Variants in PCNX2 observed in about 807,000 individuals in gnomAD.
The protein encoded by PCNX2 is pecanex 2.
In PCNX2, 168 loss-of-function variants were observed where a neutral mutation model predicts 223.8. The ratio of observed to expected loss-of-function variants is 0.75; its 90% CI spans 0.66 to 0.85. PCNX2 has a LOEUF of 0.85. PCNX2 is among the 40% of genes least tolerant of loss of function. The probability of loss-of-function intolerance (pLI) is 0.00; values close to 1 mark genes in which losing one functional copy is unlikely to be tolerated. For missense variants in PCNX2, 2,507 were observed against 2,675.5 expected (o/e 0.94, Z 1.39); for synonymous variants, 1,006 against 1,052.6 (o/e 0.96, Z 0.86).
intron 21 of PCNX2, among the ~76,000 whole-genome samples, chr1:233,097,400 T>G (rs1674237685): frequency 6.6e-6 from 1 of 151,968 alleles, no homozygotes; most frequent in African/African-American, 2.4e-5. Flanking sequence ...TGATCAGGCT[T>G]GGGGAGCTAT....
At chr1:233,134,549 C>G (rs115457852) in intron 21 of PCNX2, among the ~76,000 whole-genome samples, 3,003 of 150,274 alleles carry the variant, frequency 0.02, 37 homozygotes, top group East Asian at 0.051. Flanking sequence ...GAAAAGAAAA[C>G]AGAAGAAAAA....
intron 28 of PCNX2, among the ~76,000 whole-genome samples, chr1:233,002,186 C>T (rs912332145): frequency 6.6e-6 from 1 of 151,924 alleles, no homozygotes; most frequent in Non-Finnish European, 1.5e-5. Flanking sequence ...AATTAAATGT[C>T]AAATGGGTCA....
chr1:233,206,475 G>A (rs180675946), intron 13 of PCNX2, among the ~76,000 whole-genome samples: 67 of 151,954 alleles, frequency 4.4e-4, no homozygotes, highest in Non-Finnish European at 3.1e-4. Context: ...GAATATGGGC[G>A]CACTAAGTTA....
rs1461191538 is a variant in PCNX2, at chr1:233,112,753, G to C, written c.3838-16890C>G. The C allele has an allele frequency of 3.9e-6, 4 of 1,031,680 alleles. No homozygotes were observed. In the South Asian group the frequency reaches 6.7e-5, roughly 17 times the overall value. The allele number at this position is 1,031,680 out of a possible 1,614,324, so 63.9% of individuals were successfully genotyped here. On this transcript the variant is annotated intron_variant, in intron 21 of 33. Transcript: ENST00000258229. ...TCACATATTTATTATAGTATACTTTGGCATGAGAATTAAGCAAAAATGAAG... is the reference window on the plus strand; with the variant it reads ...TCACATATTTATTATAGTATACTTTCGCATGAGAATTAAGCAAAAATGAAG...
intron 19 of PCNX2, among the ~76,000 whole-genome samples, chr1:233,158,791 C>T (rs1347501676): frequency 6.6e-6 from 1 of 152,174 alleles, no homozygotes; most frequent in Non-Finnish European, 1.5e-5. Flanking sequence ...CCACTAATTT[C>T]ACCAACACTT....
Position 233,227,327 on chromosome 1 carries a change from T to G in PCNX2, c.2403A>C (p.Gln801His). 6.2e-7 allele frequency: 1 copy of G among 1,613,740 alleles called. No homozygotes were observed. The highest frequency in any genetic ancestry group is 8.5e-7 in the Non-Finnish European group (1 of 1,179,740). The change falls in exon 10 of 34, where the codon CAA (glutamine) becomes CAC (histidine). Residue 801 changes from glutamine (Q) to histidine (H), a missense_variant. Physicochemically the swap from Gln to His is conservative, Grantham distance 24. Transcript: ENST00000258229. ...DLEASSCSST[Q>H]GKFNREQFYK... ...AAAACTGCTCTCGGTTAAATTTTCC[T>G]TGTGTTGAAGAACATGACGAGGCTT...
chr1:233,279,507 A>C (rs1661081341), intron 1 of PCNX2, among the ~76,000 whole-genome samples: 1 of 150,682 alleles, frequency 6.6e-6, no homozygotes, highest in Non-Finnish European at 1.5e-5. Context: ...CTGGATTTGA[A>C]CTCCTAGGCT....
chr1:233,099,749 G>A (rs1674377337), intron 21 of PCNX2, among the ~76,000 whole-genome samples: 1 of 152,114 alleles, frequency 6.6e-6, no homozygotes, highest in Non-Finnish European at 1.5e-5. Context: ...AATGAGAAAA[G>A]TATATGAAGA....
At chr1:233,276,294 A>C (rs1454816814) in intron 1 of PCNX2, among the ~76,000 whole-genome samples, 7 of 152,276 alleles carry the variant, frequency 4.6e-5, no homozygotes, top group South Asian at 4.1e-4. Flanking sequence ...CAAAAAGTAG[A>C]ATGGTGGTTG....
chr1:233,274,846 T>C (rs1334030570), intron 1 of PCNX2, among the ~76,000 whole-genome samples: 1 of 152,152 alleles, frequency 6.6e-6, no homozygotes, highest in African/African-American at 2.4e-5. Flanking sequence ...ACTTTGATCT[T>C]CATGATGAAG....
At position 233,019,019 on chromosome 1, in the gene PCNX2, C is replaced by T. The variant is rs1572017016; in HGVS notation, c.4606-1865G>A. 5.1e-6 allele frequency: 5 copies of T among 985,444 alleles called. No individual in the cohort carries two copies. In the East Asian group the frequency reaches 3.4e-4, roughly 67 times the overall value. The allele number at this position is 985,444 out of a possible 1,614,324, so 61.0% of individuals were successfully genotyped here. A position where few individuals can be genotyped will look rare whatever the true frequency, so the allele number is the denominator to read the frequency against. ...CCCACCCTCCCTCTCTGGCTCTTCCCTCCCTCTGTCTGGGAAATAAAACCC... is the reference window on the plus strand; with the variant it reads ...CCCACCCTCCCTCTCTGGCTCTTCCTTCCCTCTGTCTGGGAAATAAAACCC... On this transcript the variant is annotated intron_variant, in intron 26 of 33. Coordinates refer to ENST00000258229, the MANE Select transcript of PCNX2 (RefSeq NM_014801.4).
chr1:233,027,320 G>A lies in PCNX2; in HGVS notation c.4352-1921C>T, dbSNP rs531075697. Among the ~76,000 whole-genome samples, 4 of 152,106 alleles carry A rather than the reference G, an allele frequency of 2.6e-5. No individual in the cohort carries two copies. The South Asian group carries it at 6.2e-4, about 24-fold the overall frequency. ...CATGAGCGTGAATTCAAGAAATAAC[G>A]GGAGGGGAAAAAGCAGAGACGGTGA... On this transcript the variant is annotated intron_variant, in intron 25 of 33. Transcript: ENST00000258229.
intron 9 of PCNX2, among the ~76,000 whole-genome samples, chr1:233,236,366 T>C (rs960560413): frequency 1.3e-5 from 2 of 152,110 alleles, no homozygotes; most frequent in Non-Finnish European, 2.9e-5. Flanking sequence ...AGTAAAATAA[T>C]GAAAGGCTTC....
In PCNX2 at chr1:233,160,253, T is replaced by C. The variant is rs1678385938; in HGVS notation, c.3517+30A>G. 6.3e-6 allele frequency: 10 copies of C among 1,593,724 alleles called. No individual in the cohort carries two copies. In the South Asian group the frequency reaches 1.1e-4, roughly 18 times the overall value. On this transcript the variant is annotated intron_variant, in intron 19 of 33. Coordinates refer to ENST00000258229, the MANE Select transcript of PCNX2 (RefSeq NM_014801.4). ...AATGTATACCTACCCCTCCTTTTTT[T>C]TTTTTTTAAATGAGGGATATATTAC...
chr1:233,227,881 TA>T (rs1170678173), intron 9 of PCNX2, among the ~76,000 whole-genome samples: 1 of 152,122 alleles, frequency 6.6e-6, no homozygotes, highest in Non-Finnish European at 1.5e-5. Context: ...TCTAAATCAT[TA>T]AAACTAAAAT....
intron 23 of PCNX2, among the ~76,000 whole-genome samples, chr1:233,071,466 C>T (rs1006810684): frequency 1.3e-5 from 2 of 152,138 alleles, no homozygotes; most frequent in African/African-American, 4.8e-5. Flanking sequence ...CAGCTCCATC[C>T]ATGTTTCTGC....
At chr1:233,189,585 A>G (rs1680303410) in intron 15 of PCNX2, among the ~76,000 whole-genome samples, 2 of 152,150 alleles carry the variant, frequency 1.3e-5, no homozygotes, top group African/African-American at 4.8e-5. Flanking sequence ...TAGAACTATG[A>G]GTTTGTTTTA....
At chr1:233,227,091 C>T in intron 10 of PCNX2, 135 bp downstream of exon 10, 1 of 1,058,110 alleles carries the variant, frequency 9.5e-7, no homozygotes, top group Non-Finnish European at 1.3e-6. Flanking sequence ...TTTGCTTTAA[C>T]TTTGGGTTGT....
chr1:233,258,613 C>T lies in PCNX2; in HGVS notation c.1249G>A (p.Ala417Thr). ...KSDAEPTNPG[A>T]AGSPNAEQIS... ...TGCTCGGCATTTGGAGAACCGGCCG[C>T]CCCTGGGTTAGTGGGCTCAGCGTCA... Residue 417 changes from alanine to threonine, a missense_variant, in exon 5 of 34, where the codon GCG (alanine) becomes ACG (threonine). Coordinates refer to ENST00000258229, the MANE Select transcript of PCNX2 (RefSeq NM_014801.4). 1 of 1,613,978 alleles carries T rather than the reference C, an allele frequency of 6.2e-7. No individual in the cohort carries two copies. The highest frequency in any genetic ancestry group is 1.3e-5 in the African/African-American group (1 of 75,050).
Sources: allele counts gnomAD v4.1 joint callset (sites outside exome capture counted in the v4.1 genomes callset), GRCh38; gene constraint gnomAD v4.1.1; transcripts MANE v1.5; gene names NCBI Gene and HGNC (gene_info 2026-07-23, HGNC 2026-07-21).